Variants in PTPRD observed in about 807,000 individuals in gnomAD.
The protein encoded by PTPRD is receptor-type tyrosine-protein phosphatase delta.
A neutral mutation model predicts 214.5 loss-of-function variants in PTPRD; 34 were observed. The observed-to-expected ratio is 0.16, with a 90% confidence interval of 0.12 to 0.21. PTPRD has a LOEUF of 0.21. Among genes scored for constraint, PTPRD ranks in the 10% least tolerant of loss-of-function variants. The pLI, the probability that PTPRD is intolerant of heterozygous loss-of-function variation, is 1.00. For missense variants in PTPRD, 2,545 were observed against 2,398.7 expected (o/e 1.06, Z -1.27); for synonymous variants, 1,128 against 845.7 (o/e 1.33, Z -5.79).
chr9:8,951,259 C>A (rs1415222750), intron 11 of PTPRD, among the ~76,000 whole-genome samples: 1 of 149,116 alleles, frequency 6.7e-6, no homozygotes, highest in Non-Finnish European at 1.5e-5. Context: ...TACTACACTT[C>A]TCTATTTTTT....
chr9:9,059,998 CA>C (rs1359559879), intron 10 of PTPRD, among the ~76,000 whole-genome samples: 1 of 152,088 alleles, frequency 6.6e-6, no homozygotes, highest in Non-Finnish European at 1.5e-5. Flanking sequence ...AAATTTAATG[CA>C]ATTCCAATAA....
intron 9 of PTPRD, among the ~76,000 whole-genome samples, chr9:9,357,523 C>T (rs1213011784): frequency 2.0e-5 from 3 of 150,962 alleles, no homozygotes; most frequent in Admixed American, 2.0e-4. Context: ...TATATAAGGT[C>T]CCTTTGCAGC....
chr9:8,347,276 A>C (rs1454852744), intron 39 of PTPRD, among the ~76,000 whole-genome samples: 1 of 152,054 alleles, frequency 6.6e-6, no homozygotes, highest in Non-Finnish European at 1.5e-5. Flanking sequence ...ATCCATTCCC[A>C]CCATCCAGGG....
chr9:10,431,507 A>C (rs999475783), intron 2 of PTPRD, among the ~76,000 whole-genome samples: 12 of 152,002 alleles, frequency 7.9e-5, no homozygotes, highest in Non-Finnish European at 1.0e-4. Flanking sequence ...CAACCTACAA[A>C]ATGGGAGAAA....
At chr9:10,311,876 C>A (rs635925) in intron 3 of PTPRD, among the ~76,000 whole-genome samples, 28,616 of 151,848 alleles carry the variant, frequency 0.19, 2,701 homozygotes, top group South Asian at 0.31. Flanking sequence ...GGTGTGAGAT[C>A]GAATTGTCAG....
At chr9:9,528,899 T>C (rs1015476158) in intron 8 of PTPRD, among the ~76,000 whole-genome samples, 1 of 151,658 alleles carries the variant, frequency 6.6e-6, no homozygotes, top group East Asian at 1.9e-4. Flanking sequence ...GAGAAAAATA[T>C]GTGTCCTTGA....
At chr9:8,499,570 A>C (rs2097349860) in intron 25 of PTPRD, 77 bp downstream of exon 25, 1 of 1,483,016 alleles carries the variant, frequency 6.7e-7, no homozygotes, top group African/African-American at 1.4e-5. Context: ...GAAAAACTAA[A>C]ATAAGAGCAA....
chr9:9,338,879 T>C (rs565963043), intron 9 of PTPRD, among the ~76,000 whole-genome samples: 1 of 152,152 alleles, frequency 6.6e-6, no homozygotes, highest in East Asian at 1.9e-4. Flanking sequence ...TGTGTGATAT[T>C]CCCCTCCCTG....
intron 14 of PTPRD, among the ~76,000 whole-genome samples, chr9:8,615,294 G>A (rs1313615345): frequency 6.6e-6 from 1 of 152,074 alleles, no homozygotes; most frequent in African/African-American, 2.4e-5. Flanking sequence ...TGCTTGATGA[G>A]CATGCAATTA....
At chr9:8,503,148 A>G (rs2097451855) in intron 23 of PTPRD, among the ~76,000 whole-genome samples, 1 of 152,078 alleles carries the variant, frequency 6.6e-6, no homozygotes, top group South Asian at 2.1e-4. Flanking sequence ...TTAAAGAGGG[A>G]AAAACATAAA....
chr9:9,370,510 A>G (rs201406333), intron 9 of PTPRD, among the ~76,000 whole-genome samples: 1 of 151,318 alleles, frequency 6.6e-6, no homozygotes, highest in Non-Finnish European at 1.5e-5. Context: ...GGAGATTTTG[A>G]GCTGAGATGA....
chr9:9,781,015 G>T (rs1174464693), intron 5 of PTPRD, among the ~76,000 whole-genome samples: 1 of 152,178 alleles, frequency 6.6e-6, no homozygotes, highest in Non-Finnish European at 1.5e-5. Flanking sequence ...GTGATGGCCA[G>T]GGGTTGGCAG....
intron 7 of PTPRD, among the ~76,000 whole-genome samples, chr9:9,599,526 C>A (rs148743063): frequency 2.9e-4 from 44 of 152,136 alleles, no homozygotes; most frequent in African/African-American, 1.0e-3. Context: ...GAACTTTTTA[C>A]CTTGGCTGGT....
intron 9 of PTPRD, among the ~76,000 whole-genome samples, chr9:9,190,634 G>A (rs1197595682): frequency 6.6e-6 from 1 of 151,974 alleles, no homozygotes; most frequent in African/African-American, 2.4e-5. Flanking sequence ...AGCCCTAGGA[G>A]GACACTAATA....
rs2099496143 is a variant in PTPRD, at chr9:9,009,059, A to G, written c.-104+9638T>C. On this transcript the variant is annotated intron_variant, in intron 11 of 45. Coordinates refer to ENST00000381196, the MANE Select transcript of PTPRD (RefSeq NM_002839.4). ...AAAACAAACAATAACAACAAAACCC[A>G]TATAATCAGGCTAATGTATGTATAA... Among the ~76,000 whole-genome samples, 3 of 152,182 alleles carry G rather than the reference A, an allele frequency of 2.0e-5. No homozygotes were observed. In the South Asian group the frequency reaches 6.2e-4, roughly 32 times the overall value.
chr9:8,429,424 T>TGAC (rs1289893297), intron 35 of PTPRD, among the ~76,000 whole-genome samples: 1 of 152,154 alleles, frequency 6.6e-6, no homozygotes, highest in Admixed American at 6.5e-5. Flanking sequence ...TTAAAAAACA[T>TGAC]GACCTAAGCA....
intron 32 of PTPRD, among the ~76,000 whole-genome samples, chr9:8,460,915 T>C (rs149427761): frequency 0.011 from 1,662 of 152,202 alleles, 18 homozygotes; most frequent in African/African-American, 0.032. Context: ...AAATGTTTAA[T>C]GAACATTTAC....
At chr9:8,654,536 C>A (rs573301636) in intron 12 of PTPRD, among the ~76,000 whole-genome samples, 6 of 152,148 alleles carry the variant, frequency 3.9e-5, no homozygotes, top group Non-Finnish European at 8.8e-5. Flanking sequence ...ATGAATTAGG[C>A]ACCTACTTAT....
intron 8 of PTPRD, among the ~76,000 whole-genome samples, chr9:9,440,921 G>C (rs879490905): frequency 1.6e-4 from 25 of 152,166 alleles, no homozygotes; most frequent in African/African-American, 5.8e-4. Flanking sequence ...GCATTTGAAG[G>C]GGACGAAGGA....
Sources: allele counts gnomAD v4.1 joint callset (sites outside exome capture counted in the v4.1 genomes callset), GRCh38; gene constraint gnomAD v4.1.1; transcripts MANE v1.5; gene names NCBI Gene and HGNC (gene_info 2026-07-23, HGNC 2026-07-21).